Variants in SPIRE1 observed in about 807,000 individuals in gnomAD.
The protein encoded by SPIRE1 is spire type actin nucleation factor 1.
Under a neutral mutation model 94.1 loss-of-function variants are expected in SPIRE1, and 40 were observed. That is an observed-to-expected ratio of 0.43 (90% CI 0.33 to 0.55). SPIRE1 has a LOEUF of 0.55. Among genes scored for constraint, SPIRE1 ranks in the 20% least tolerant of loss-of-function variants. The pLI is 0.06. For synonymous variants in SPIRE1, 376 were observed against 371.7 expected, an observed-to-expected ratio of 1.01 and a Z score of -0.13; for missense variants, 838 against 975.2, an observed-to-expected ratio of 0.86 and a Z score of 1.87.
chr18:12,624,237 TA>T (rs71174110), intron 2 of SPIRE1, among the ~76,000 whole-genome samples: 23,912 of 146,432 alleles, frequency 0.16, 2,264 homozygotes, highest in Middle Eastern at 0.23. Flanking sequence ...GGCAAATTAT[TA>T]AAAAAAAAAA....
intron 16 of SPIRE1, chr18:12,451,033 G>A: frequency 2.0e-6 from 1 of 497,658 alleles, no homozygotes; most frequent in Non-Finnish European, 3.6e-6. Flanking sequence ...GAGGGGAGGA[G>A]GAGGAGGAGG....
intron 3 of SPIRE1, 127 bp downstream of exon 3, chr18:12,546,547 G>A (rs1017991398): frequency 2.8e-6 from 2 of 721,680 alleles, no homozygotes; most frequent in Non-Finnish European, 4.8e-6. Context: ...GCTACAGTGA[G>A]CCATGATCAC....
At chr18:12,487,405 T>TC (rs1400174653) in intron 8 of SPIRE1, among the ~76,000 whole-genome samples, 12 of 147,000 alleles carry the variant, frequency 8.2e-5, no homozygotes, top group African/African-American at 1.5e-4. Context: ...TTTCTTTCTT[T>TC]TTTTTTTTTT....
At chr18:12,595,149 G>A (rs2036635676) in intron 2 of SPIRE1, among the ~76,000 whole-genome samples, 1 of 151,932 alleles carries the variant, frequency 6.6e-6, no homozygotes, top group African/African-American at 2.4e-5. Context: ...GCTGGGCATG[G>A]TGGTGGGGAC....
intron 2 of SPIRE1, among the ~76,000 whole-genome samples, chr18:12,587,488 C>T (rs2036417989): frequency 6.6e-6 from 1 of 151,178 alleles, no homozygotes; most frequent in South Asian, 2.1e-4. Context: ...GCTGGATCAA[C>T]TGGCCCAGGA....
At chr18:12,509,398 G>C (rs978712130) in intron 5 of SPIRE1, among the ~76,000 whole-genome samples, 1 of 152,138 alleles carries the variant, frequency 6.6e-6, no homozygotes, top group African/African-American at 2.4e-5. Flanking sequence ...CTGAACACTG[G>C]AAGTTATTTA....
chr18:12,492,030 G>T (rs1450376203), intron 8 of SPIRE1, among the ~76,000 whole-genome samples: 4 of 152,214 alleles, frequency 2.6e-5, no homozygotes, highest in Non-Finnish European at 2.9e-5. Flanking sequence ...TATTGGGTTT[G>T]TCTTGCTTGT....
At chr18:12,556,479 T>C (rs947320920) in intron 2 of SPIRE1, among the ~76,000 whole-genome samples, 1 of 152,226 alleles carries the variant, frequency 6.6e-6, no homozygotes, top group Non-Finnish European at 1.5e-5. Flanking sequence ...AGAATGAAGC[T>C]GCGGACCCTC....
At position 12,496,056 on chromosome 18, in the gene SPIRE1, A is replaced by G; in HGVS notation, c.1019T>C (p.Ile340Thr). Residue 340 changes from isoleucine to threonine, a missense_variant, in exon 7 of 17, where the codon ATC becomes ACC. Coordinates refer to ENST00000409402, the MANE Select transcript of SPIRE1 (RefSeq NM_001128626.2). ...TCTGGATCTGATGAAGTCGAGGATGATTTCATGAGCACTCTTTTTTAACCG... is the reference window on the plus strand; with the variant it reads ...TCTGGATCTGATGAAGTCGAGGATGGTTTCATGAGCACTCTTTTTTAACCG... ...PPRLKKSAHE[I>T]ILDFIRSRPP... 1 of 1,613,914 alleles carries G rather than the reference A, an allele frequency of 6.2e-7. No individual in the cohort carries two copies. The highest frequency in any genetic ancestry group is 8.5e-7 in the Non-Finnish European group (1 of 1,179,810).
At chr18:12,584,012 T>C (rs1177762158) in intron 2 of SPIRE1, among the ~76,000 whole-genome samples, 2 of 151,812 alleles carry the variant, frequency 1.3e-5, no homozygotes, top group East Asian at 3.9e-4. Flanking sequence ...TCAAATGAGA[T>C]ATAAAAGAGA....
Position 12,479,860 on chromosome 18 carries a change from G to C in SPIRE1, c.1243C>G (p.Pro415Ala), listed in dbSNP as rs749034440. The C allele has an allele frequency of 3.7e-6, 6 of 1,612,758 alleles. No homozygotes were observed. Among genetic ancestry groups the C allele is most frequent in the Non-Finnish European group, 5.1e-6 (6 of 1,179,684 alleles). Residue 415 changes from proline (P) to alanine (A), a missense_variant, in exon 10 of 17, where the codon CCT becomes GCT. Pro to Ala is a conservative substitution (Grantham distance 27). This residue lies in a region of SPIRE1 where 645 missense variants were observed against 804.7 expected (regional missense o/e 0.80). Transcript: ENST00000409402. ...TCCACAAGATTCTTTGTAGATTCAG[G>C]GGTAGTCACATCTGGTAAAAAAGCA... ...YSFDLSDVTT[P>A]ESTKNLVESS...
chr18:12,501,840 T>C (rs934695710), intron 6 of SPIRE1, among the ~76,000 whole-genome samples: 2 of 152,206 alleles, frequency 1.3e-5, no homozygotes, highest in South Asian at 4.1e-4. Context: ...TGCACACTTG[T>C]AGTCCCAGCT....
At chr18:12,647,533 T>C (rs778441116) in intron 1 of SPIRE1, among the ~76,000 whole-genome samples, 1 of 152,026 alleles carries the variant, frequency 6.6e-6, no homozygotes, top group African/African-American at 2.4e-5. Context: ...GGAAGATCAC[T>C]TGAATGGGGT....
At chr18:12,485,735 G>A (rs1187485588) in intron 9 of SPIRE1, among the ~76,000 whole-genome samples, 1 of 152,142 alleles carries the variant, frequency 6.6e-6, no homozygotes, top group Non-Finnish European at 1.5e-5. Flanking sequence ...TGGTGTGATG[G>A]TTCTTCCAAA....
At chr18:12,608,428 T>G (rs1214172708) in intron 2 of SPIRE1, among the ~76,000 whole-genome samples, 3 of 152,244 alleles carry the variant, frequency 2.0e-5, no homozygotes, top group Admixed American at 6.5e-5. Flanking sequence ...TAAAGTCTTT[T>G]GTTGCACAAT....
At chr18:12,634,267 A>T (rs796852204) in intron 2 of SPIRE1, among the ~76,000 whole-genome samples, 12,315 of 118,594 alleles carry the variant, frequency 0.1, 646 homozygotes, top group Middle Eastern at 0.23. Context: ...ATAAAAAAAA[A>T]AAAAAATAAT....
chr18:12,642,491 A>G (rs989489226), intron 1 of SPIRE1, among the ~76,000 whole-genome samples: 3 of 152,078 alleles, frequency 2.0e-5, no homozygotes, highest in Non-Finnish European at 2.9e-5. Context: ...AGTATCAGTG[A>G]TTAAAACCCG....
intron 1 of SPIRE1, among the ~76,000 whole-genome samples, chr18:12,643,101 AAAATGTTTATAGTATAAACATTTTT>A (rs576772347): frequency 1.2e-4 from 19 of 152,306 alleles, no homozygotes; most frequent in South Asian, 1.2e-3. Context: ...TAAATAGCTA[AAAATGTTTATAGTATAAACATTTTT>A]AAATGTTTAT....
At chr18:12,454,110 G>A (rs1212002286) in intron 13 of SPIRE1, among the ~76,000 whole-genome samples, 2 of 152,102 alleles carry the variant, frequency 1.3e-5, no homozygotes, top group Admixed American at 6.5e-5. Context: ...AAGACATATC[G>A]ATATTTGTTA....
Sources: allele counts gnomAD v4.1 joint callset (sites outside exome capture counted in the v4.1 genomes callset), GRCh38; gene constraint gnomAD v4.1.1; regional missense constraint gnomAD v4.1.1; transcripts MANE v1.5; gene names NCBI Gene and HGNC (gene_info 2026-07-23, HGNC 2026-07-21).